PDE3A: variants seen among roughly 807,000 people sequenced by gnomAD.
PDE3A encodes the protein phosphodiesterase 3A, also known as cGMP-inhibited 3',5'-cyclic phosphodiesterase 3A.
Under a neutral mutation model 98.3 loss-of-function variants are expected in PDE3A, and 43 were observed. The observed-to-expected ratio is 0.44, with a 90% confidence interval of 0.34 to 0.56. The LOEUF (loss-of-function observed/expected upper bound fraction) is 0.56, where lower values mean the gene tolerates loss of function less well. Among genes scored for constraint, PDE3A ranks in the 20% least tolerant of loss-of-function variants. The pLI is 0.01. For synonymous variants in PDE3A, 663 were observed against 567.9 expected (o/e 1.17, Z -2.38); for missense variants, 1,427 against 1,440.7 (o/e 0.99, Z 0.15).
intron 1 of PDE3A, among the ~76,000 whole-genome samples, chr12:20,476,608 C>T (rs916822754): frequency 1.3e-5 from 2 of 152,146 alleles, no homozygotes; most frequent in Admixed American, 6.5e-5. Context: ...CCCTGTAAAT[C>T]TACAGCAGGA....
At chr12:20,656,955 A>T (rs4430560) in intron 15 of PDE3A, among the ~76,000 whole-genome samples, 6 of 151,956 alleles carry the variant, frequency 3.9e-5, no homozygotes, top group Non-Finnish European at 8.8e-5. Flanking sequence ...CATACCTTCC[A>T]GTTTTTATCA....
chr12:20,389,115 A>G (rs747897003), intron 1 of PDE3A, among the ~76,000 whole-genome samples: 17 of 152,130 alleles, frequency 1.1e-4, no homozygotes, highest in Middle Eastern at 3.4e-3. Flanking sequence ...CATTCCACCC[A>G]GTTTTTACGG....
intron 1 of PDE3A, among the ~76,000 whole-genome samples, chr12:20,388,033 A>G (rs1304940926): frequency 6.6e-6 from 1 of 152,032 alleles, no homozygotes; most frequent in Non-Finnish European, 1.5e-5. Flanking sequence ...GTATTTTACA[A>G]TCAGCAAAAC....
At chr12:20,503,079 T>G (rs1373976887) in intron 1 of PDE3A, among the ~76,000 whole-genome samples, 1 of 152,114 alleles carries the variant, frequency 6.6e-6, no homozygotes, top group East Asian at 1.9e-4. Context: ...TCATTGTCAT[T>G]ATCATCATGA....
chr12:20,454,757 A>G (rs2120900866), intron 1 of PDE3A, among the ~76,000 whole-genome samples: 1 of 152,290 alleles, frequency 6.6e-6, no homozygotes, highest in South Asian at 2.1e-4. Flanking sequence ...TTAGTTTGCT[A>G]AGGATAATGG....
chr12:20,602,812 C>T (rs1341589538), intron 2 of PDE3A, among the ~76,000 whole-genome samples: 1 of 152,204 alleles, frequency 6.6e-6, no homozygotes, highest in Non-Finnish European at 1.5e-5. Context: ...CAATGAGTTA[C>T]TGCAAAATTT....
At chr12:20,493,578 T>G (rs1256679269) in intron 1 of PDE3A, among the ~76,000 whole-genome samples, 2 of 152,124 alleles carry the variant, frequency 1.3e-5, no homozygotes, top group Non-Finnish European at 2.9e-5. Flanking sequence ...CACACAGATG[T>G]GCCTCACTTC....
At chr12:20,663,474 A>G (rs1447428951) in intron 15 of PDE3A, among the ~76,000 whole-genome samples, 2 of 142,504 alleles carry the variant, frequency 1.4e-5, no homozygotes, top group African/African-American at 4.9e-5. Context: ...CTGCAAAGCC[A>G]CAGGGGCAAA....
intron 1 of PDE3A, among the ~76,000 whole-genome samples, chr12:20,519,119 G>A (rs74064922): frequency 0.034 from 5,128 of 152,240 alleles, 299 homozygotes; most frequent in African/African-American, 0.12. Flanking sequence ...GTGACTAAAT[G>A]TGGCTCCTTA....
intron 15 of PDE3A, among the ~76,000 whole-genome samples, chr12:20,654,496 T>C (rs947524501): frequency 4.4e-5 from 5 of 113,846 alleles, no homozygotes; most frequent in Non-Finnish European, 9.2e-5. Context: ...TCTGGTTTTT[T>C]GTTTGTTTTT....
At chr12:20,596,826 C>G (rs1280988479) in intron 2 of PDE3A, among the ~76,000 whole-genome samples, 3 of 152,068 alleles carry the variant, frequency 2.0e-5, no homozygotes, top group African/African-American at 7.2e-5. Flanking sequence ...ACAAGTTCCC[C>G]TTAATAATCT....
intron 1 of PDE3A, among the ~76,000 whole-genome samples, chr12:20,446,757 G>A (rs1330615758): frequency 6.6e-6 from 1 of 152,150 alleles, no homozygotes; most frequent in Non-Finnish European, 1.5e-5. Flanking sequence ...AAAGCAGACC[G>A]AGTGTTATCT....
At chr12:20,650,670 A>G (rs1944896059) in intron 14 of PDE3A, 70 bp downstream of exon 14, 2 of 878,302 alleles carry the variant, frequency 2.3e-6, no homozygotes, top group Non-Finnish European at 3.5e-6. Context: ...CAAAGCTTCT[A>G]ACAGCTATGA....
Position 20,685,539 on chromosome 12 carries a change from C to T in PDE3A, c.*5268C>T, listed in dbSNP as rs1029185518. Among the ~76,000 whole-genome samples the T allele has an allele frequency of 3.3e-5, 5 of 151,498 alleles. No homozygotes were observed. Among genetic ancestry groups the T allele is most frequent in the African/African-American group, 1.2e-4 (5 of 41,144 alleles). ...TGATTCAAAAATACTGACCTAGTAT[C>T]AGTGTAGGTAAGACCATAAAATACA... On this transcript the variant is annotated 3_prime_UTR_variant, in exon 16 of 16. Coordinates refer to ENST00000359062, the MANE Select transcript of PDE3A (RefSeq NM_000921.5).
intron 1 of PDE3A, among the ~76,000 whole-genome samples, chr12:20,528,623 T>C (rs1262649798): frequency 6.6e-6 from 1 of 152,204 alleles, no homozygotes; most frequent in East Asian, 1.9e-4. Flanking sequence ...CATAAGATAT[T>C]GATAAATAAG....
intron 2 of PDE3A, chr12:20,571,965 C>T (rs572742966): frequency 2.1e-5 from 22 of 1,056,410 alleles, no homozygotes; most frequent in Non-Finnish European, 2.3e-5. Context: ...GCACACAGAA[C>T]TTTCATTTAA....
intron 1 of PDE3A, among the ~76,000 whole-genome samples, chr12:20,479,613 A>AATCT (rs1407264527): frequency 6.6e-6 from 1 of 152,174 alleles, no homozygotes; most frequent in Non-Finnish European, 1.5e-5. Context: ...TCCTATATTT[A>AATCT]ATCTTGCTCC....
chr12:20,473,449 G>T (rs1432113958), intron 1 of PDE3A, among the ~76,000 whole-genome samples: 1 of 152,090 alleles, frequency 6.6e-6, no homozygotes, highest in Admixed American at 6.5e-5. Context: ...GGGATTACTC[G>T]GTTGTCCTAT....
intron 3 of PDE3A, among the ~76,000 whole-genome samples, chr12:20,615,505 G>A (rs1565450344): frequency 6.6e-6 from 1 of 152,042 alleles, no homozygotes; most frequent in Non-Finnish European, 1.5e-5. Context: ...TAATACTTGG[G>A]GGTATGACTG....
Sources: gnomAD v4.1 joint callset for allele counts (sites outside exome capture counted in the v4.1 genomes callset) on GRCh38, gnomAD v4.1.1 for gene constraint, MANE v1.5 for transcripts, NCBI Gene and HGNC (gene_info 2026-07-23, HGNC 2026-07-21) for gene names.